The following LRRC8B variants were observed in gnomAD, a reference collection of about 807,000 sequenced individuals.
LRRC8B encodes the protein volume-regulated anion channel subunit LRRC8B.
LRRC8B carries 23 observed loss-of-function variants against 58.8 expected under a neutral mutation model. The observed-to-expected ratio is 0.39, with a 90% confidence interval of 0.28 to 0.55. The LOEUF (loss-of-function observed/expected upper bound fraction) is 0.55, where lower values mean the gene tolerates loss of function less well. Ranked by LOEUF, LRRC8B falls within the 20% of genes least tolerant of loss-of-function variation. LRRC8B has a pLI of 0.62. For missense variants in LRRC8B, 694 were observed against 936.0 expected, an observed-to-expected ratio of 0.74 and a Z score of 3.37; for synonymous variants, 359 against 374.1, an observed-to-expected ratio of 0.96 and a Z score of 0.47.
intron 1 of LRRC8B, among the ~76,000 whole-genome samples, chr1:89,529,729 G>A (rs12135168): frequency 0.19 from 29,000 of 151,876 alleles, 3,439 homozygotes; most frequent in South Asian, 0.3. Context: ...TATATATTTT[G>A]TTATAAAATA....
chr1:89,584,258 C>T lies in LRRC8B; in HGVS notation c.1608C>T (p.Asp536=). The T allele has an allele frequency of 1.2e-6, 2 of 1,613,422 alleles. No individual in the cohort carries two copies. Among genetic ancestry groups the T allele is most frequent in the Non-Finnish European group, 1.7e-6 (2 of 1,180,020 alleles). The change falls in exon 5 of 6, where the codon GAC becomes GAT. Residue 536 remains aspartate, a synonymous_variant. Coordinates refer to ENST00000330947, the MANE Select transcript of LRRC8B (RefSeq NM_001369817.2). ...CTATGCAGTTGGAGGGCTTTCAGGA[C>T]TTAAAAAATCTAAGGACCCTGTACT... is the stretch of plus-strand genomic sequence containing the variant. The part of the protein sequence containing the change: ...LSTMQLEGFQ[D]LKNLRTLYLK...
At chr1:89,569,369 A>T (rs1393321677) in intron 3 of LRRC8B, among the ~76,000 whole-genome samples, 1 of 152,106 alleles carries the variant, frequency 6.6e-6, no homozygotes, top group Non-Finnish European at 1.5e-5. Flanking sequence ...ATAAGGGTAT[A>T]TTGCATGACA....
chr1:89,550,192 G>A (rs1651697880), intron 1 of LRRC8B, among the ~76,000 whole-genome samples: 1 of 152,110 alleles, frequency 6.6e-6, no homozygotes, highest in African/African-American at 2.4e-5. Flanking sequence ...AGTAATAGTA[G>A]TACTTTTGCT....
rs563660154 is a variant in LRRC8B at position 89,591,742 on chromosome 1, G to T, written c.2140-1029G>T. 9.2e-5 allele frequency among the ~76,000 whole-genome samples: 14 copies of T among 152,294 alleles called. No homozygotes were observed. In the South Asian group the frequency reaches 1.4e-3, roughly 16 times the overall value. ...CTTGTCTCCCAGCCGGTCTGCATTA[G>T]CCCGTCAGAGGATATAGGCCAAGTC... On this transcript the variant is annotated intron_variant, in intron 5 of 5. Transcript: ENST00000330947.
chr1:89,559,824 T>A (rs1027963174), intron 1 of LRRC8B, among the ~76,000 whole-genome samples: 1 of 152,224 alleles, frequency 6.6e-6, no homozygotes, highest in Non-Finnish European at 1.5e-5. Context: ...TTTCTTGCTA[T>A]AACCAATTTT....
intron 5 of LRRC8B, among the ~76,000 whole-genome samples, chr1:89,587,499 C>T (rs1654707440): frequency 1.3e-5 from 2 of 152,120 alleles, no homozygotes; most frequent in Non-Finnish European, 2.9e-5. Context: ...TGCCACTGCA[C>T]TCTAGCCTGA....
chr1:89,587,093 C>T lies in LRRC8B; in HGVS notation c.2139+2304C>T, dbSNP rs1654677477. Among the ~76,000 whole-genome samples the T allele has an allele frequency of 3.9e-5, 6 of 152,258 alleles. No individual in the cohort carries two copies. The South Asian group carries it at 1.2e-3, about 32-fold the overall frequency. The stretch of plus-strand genomic sequence containing the variant: ...AACTAGGACCATCAGGGGAAGATTT[C>T]TCATCTTTCCCATATAGCATTCAAA... On this transcript the variant is annotated intron_variant, in intron 5 of 5. Transcript: ENST00000330947.
At position 89,595,820 on chromosome 1, in the gene LRRC8B, A is replaced by G. The variant is rs1347193769; in HGVS notation, c.*2777A>G. The stretch of plus-strand genomic sequence containing the variant: ...TTATTTTACAAGTGTTCATATTCAC[A>G]TAAGAGAATTTTAAATGAAGAAAAT... On this transcript the variant is annotated 3_prime_UTR_variant, in exon 6 of 6. Transcript: ENST00000330947. 6.6e-6 allele frequency: 1 copy of G among 152,164 alleles called. No homozygotes were observed. The highest frequency in any genetic ancestry group is 6.5e-5 in the Admixed American group (1 of 15,284). The allele number at this position is 152,164 out of a possible 1,614,324, so 9.4% of individuals were successfully genotyped here. A position where few individuals can be genotyped will look rare whatever the true frequency, so the allele number is the denominator to read the frequency against.
Position 89,592,879 on chromosome 1 carries a change from C to T in LRRC8B, c.2248C>T (p.Leu750Phe). 6.2e-7 allele frequency: 1 copy of T among 1,613,918 alleles called. No individual in the cohort carries two copies. Among genetic ancestry groups the T allele is most frequent in the Non-Finnish European group, 8.5e-7 (1 of 1,179,988 alleles). The change falls in exon 6 of 6, where the codon CTT becomes TTT. Residue 750 changes from leucine (L) to phenylalanine (F), a missense_variant. Transcript: ENST00000330947. ...LSPHVGELSNLTHLELIGNYL... is the reference protein window; with the variant it reads ...LSPHVGELSNFTHLELIGNYL... The stretch of plus-strand genomic sequence containing the variant: ...CCCTCATGTGGGTGAGCTGTCAAAC[C>T]TTACTCATCTGGAGCTCATTGGTAA...
intron 3 of LRRC8B, among the ~76,000 whole-genome samples, chr1:89,573,891 G>A (rs1570624797): frequency 6.6e-6 from 1 of 152,194 alleles, no homozygotes; most frequent in African/African-American, 2.4e-5. Flanking sequence ...CTATCAAGAG[G>A]TGGAGTTGAT....
Position 89,544,430 on chromosome 1 carries a change from A to G in LRRC8B, c.-241+19408A>G, listed in dbSNP as rs574555862. Among the ~76,000 whole-genome samples the G allele has an allele frequency of 1.2e-4, 18 of 152,222 alleles. No homozygotes were observed. The East Asian group carries it at 2.7e-3, about 23-fold the overall frequency. ...ATTTTGACCTAATAATCTCATTTGG[A>G]TTTACCAGGCTCAGCAGCTGTTGTT... On this transcript the variant is annotated intron_variant, in intron 1 of 5. Transcript: ENST00000330947.
At chr1:89,527,858 A>C (rs933393317) in intron 1 of LRRC8B, among the ~76,000 whole-genome samples, 1 of 152,242 alleles carries the variant, frequency 6.6e-6, no homozygotes, top group Non-Finnish European at 1.5e-5. Flanking sequence ...ACAAAGGGTA[A>C]CAATAAACTC....
rs1557632965 is a variant in LRRC8B at position 89,597,520 on chromosome 1, A to T, written c.*4477A>T. On this transcript the variant is annotated 3_prime_UTR_variant, in exon 6 of 6. Coordinates refer to ENST00000330947, the MANE Select transcript of LRRC8B (RefSeq NM_001369817.2). ...TAATGTTTACAAGAAGATTTTTTTT[A>T]AATTCTTCAAATACTTCACTTAGTG... The T allele has an allele frequency of 6.6e-6, 1 of 152,296 alleles. No homozygotes were observed. Among genetic ancestry groups the T allele is most frequent in the Non-Finnish European group, 1.5e-5 (1 of 68,008 alleles). The allele number at this position is 152,296 out of a possible 1,614,324, so 9.4% of individuals were successfully genotyped here. A position where few individuals can be genotyped will look rare whatever the true frequency, so the allele number is the denominator to read the frequency against.
chr1:89,525,602 T>C (rs1649627095), intron 1 of LRRC8B, among the ~76,000 whole-genome samples: 1 of 152,196 alleles, frequency 6.6e-6, no homozygotes. Flanking sequence ...AGGGCAAGCG[T>C]TACCAATTTA....
At position 89,570,364 on chromosome 1, in the gene LRRC8B, C is replaced by T. The variant is rs190472290; in HGVS notation, c.-125+1871C>T. ...CAGTGTATAAGCATTCCTTTTTCTC[C>T]ACAACCTCGCCAGCATCTCTTTTTT... On this transcript the variant is annotated intron_variant, in intron 3 of 5. Transcript: ENST00000330947. Among the ~76,000 whole-genome samples the T allele has an allele frequency of 5.3e-5, 8 of 152,172 alleles. No individual in the cohort carries two copies. The East Asian group carries it at 1.2e-3, about 22-fold the overall frequency.
At chr1:89,547,812 G>A (rs750690034) in intron 1 of LRRC8B, among the ~76,000 whole-genome samples, 98 of 152,330 alleles carry the variant, frequency 6.4e-4, no homozygotes, top group Middle Eastern at 6.8e-3. Context: ...GGGCGGGGAG[G>A]GGAGGGGGTG....
intron 1 of LRRC8B, among the ~76,000 whole-genome samples, chr1:89,566,702 C>T (rs1653067126): frequency 6.6e-6 from 1 of 152,206 alleles, no homozygotes; most frequent in South Asian, 2.1e-4. Context: ...TTTGTTTTGT[C>T]AAATCCACCA....
chr1:89,562,150 A>AACACACACACACACACACACACAC (rs59568247), intron 1 of LRRC8B, among the ~76,000 whole-genome samples: 18 of 139,614 alleles, frequency 1.3e-4, no homozygotes, highest in Non-Finnish European at 2.0e-4. Context: ...CACCTCCCAA[A>AACACACACACACACACACACACAC]ACACACACAC....
chr1:89,591,497 G>T lies in LRRC8B; in HGVS notation c.2140-1274G>T, dbSNP rs72712543. Reference sequence around the variant, plus strand: ...CTTTGTTTATATCTAATATTTTGGTGTACAATGATGATCTATATGGAATGT... The same window carrying T: ...CTTTGTTTATATCTAATATTTTGGTTTACAATGATGATCTATATGGAATGT... On this transcript the variant is annotated intron_variant, in intron 5 of 5. Coordinates refer to ENST00000330947, the MANE Select transcript of LRRC8B (RefSeq NM_001369817.2). Among the ~76,000 whole-genome samples, 1,047 of 152,246 alleles carry T rather than the reference G, an allele frequency of 6.9e-3. 4 individuals carry two copies. The highest frequency in any genetic ancestry group is 0.034 in the Middle Eastern group (10 of 294).
Sources: allele counts gnomAD v4.1 joint callset (sites outside exome capture counted in the v4.1 genomes callset), GRCh38; gene constraint gnomAD v4.1.1; transcripts MANE v1.5; gene names NCBI Gene and HGNC (gene_info 2026-07-23, HGNC 2026-07-21).